BLOC1S5: variants seen among roughly 807,000 people sequenced by gnomAD.
BLOC1S5 encodes biogenesis of lysosomal organelles complex 1 subunit 5.
In BLOC1S5, 27 loss-of-function variants were observed where a neutral mutation model predicts 24.3. That is an observed-to-expected ratio of 1.11 (90% confidence interval 0.82 to 1.53). The LOEUF (loss-of-function observed/expected upper bound fraction) is 1.53, where lower values mean the gene tolerates loss of function less well. Among genes scored for constraint, BLOC1S5 ranks in the 40% most tolerant of loss-of-function variants. The pLI, the probability that BLOC1S5 is intolerant of heterozygous loss-of-function variation, is 0.00. For missense variants in BLOC1S5, 239 were observed against 229.4 expected, an observed-to-expected ratio of 1.04 and a Z score of -0.27; for synonymous variants, 84 against 74.5, an observed-to-expected ratio of 1.13 and a Z score of -0.66.
intron 1 of BLOC1S5, among the ~76,000 whole-genome samples, chr6:8,063,038 AAAT>A (rs976078730): frequency 6.6e-6 from 1 of 152,136 alleles, no homozygotes; most frequent in African/African-American, 2.4e-5. Context: ...TAAATATAAA[AAAT>A]AATACGTATT....
chr6:8,026,959 T>C (rs543474690), intron 3 of BLOC1S5, among the ~76,000 whole-genome samples: 106 of 152,338 alleles, frequency 7.0e-4, no homozygotes, highest in East Asian at 7.7e-4. Context: ...ATGATCACTA[T>C]TCCATTTTAC....
chr6:8,040,917 A>G (rs1273595604), intron 3 of BLOC1S5, among the ~76,000 whole-genome samples: 1 of 152,086 alleles, frequency 6.6e-6, no homozygotes. Flanking sequence ...CACATACTAA[A>G]CAGATTGTCT....
chr6:8,056,055 C>T (rs1764292700), intron 2 of BLOC1S5, among the ~76,000 whole-genome samples: 1 of 152,196 alleles, frequency 6.6e-6, no homozygotes. Context: ...CTCTTTCTCT[C>T]TTAACTTTTC....
chr6:8,022,579 C>CTT lies in BLOC1S5; in HGVS notation c.384+3786_384+3787dup, dbSNP rs756972606. Among the ~76,000 whole-genome samples the CTT allele has an allele frequency of 1.4e-3, 102 of 74,292 alleles. 3 individuals carry two copies. The highest frequency in any genetic ancestry group is 3.2e-3 in the South Asian group (8 of 2,520). 48.7% of individuals were successfully genotyped at this position (74,292 alleles called of 152,430 possible). On this transcript the variant is annotated intron_variant, in intron 4 of 4. Transcript: ENST00000397457. ...TATTTTCAAACTCTATTTTTTTTTT[C>CTT]TTTTTTTTTTTTCTTTTTTTTTTGA...
chr6:8,033,899 C>G (rs1183629410), intron 3 of BLOC1S5, among the ~76,000 whole-genome samples: 3 of 152,184 alleles, frequency 2.0e-5, no homozygotes, highest in African/African-American at 7.2e-5. Flanking sequence ...CACTGGTCAT[C>G]AAAGAAATGC....
At chr6:8,046,133 T>C (rs1763889199) in intron 2 of BLOC1S5, among the ~76,000 whole-genome samples, 1 of 152,208 alleles carries the variant, frequency 6.6e-6, no homozygotes, top group South Asian at 2.1e-4. Context: ...GGCCAGTCTT[T>C]CCCATACTAT....
At chr6:8,055,717 G>A (rs899458251) in intron 2 of BLOC1S5, among the ~76,000 whole-genome samples, 4 of 152,070 alleles carry the variant, frequency 2.6e-5, no homozygotes, top group Non-Finnish European at 4.4e-5. Flanking sequence ...ATTGTGAAAG[G>A]GTGTTTTGGT....
chr6:8,050,128 G>A (rs746697227), intron 2 of BLOC1S5, among the ~76,000 whole-genome samples: 2 of 152,172 alleles, frequency 1.3e-5, no homozygotes, highest in African/African-American at 2.4e-5. Context: ...GTCTATTGGT[G>A]CCATATTTCC....
intron 4 of BLOC1S5, among the ~76,000 whole-genome samples, chr6:8,017,088 T>TC (rs1281480732): frequency 6.6e-6 from 1 of 151,866 alleles, no homozygotes; most frequent in Non-Finnish European, 1.5e-5. Context: ...TTTAGTTTTC[T>TC]CCCCCCTTCC....
At chr6:8,039,900 G>A (rs989911725) in intron 3 of BLOC1S5, among the ~76,000 whole-genome samples, 1 of 152,170 alleles carries the variant, frequency 6.6e-6, no homozygotes, top group African/African-American at 2.4e-5. Flanking sequence ...GATATTGAAA[G>A]GCGTGATTCT....
rs994722216 is a variant in BLOC1S5, at chr6:8,014,256, A to G, written c.*1393T>C. ...TTGCTTGGTTTATGGCAAATAAAAAATCAACTTAGTTCTTCAGTTAGATTT... is the reference window on the plus strand; with the variant it reads ...TTGCTTGGTTTATGGCAAATAAAAAGTCAACTTAGTTCTTCAGTTAGATTT... On this transcript the variant is annotated 3_prime_UTR_variant, in exon 5 of 5. Coordinates refer to ENST00000397457, the MANE Select transcript of BLOC1S5 (RefSeq NM_201280.3). The G allele has an allele frequency of 3.3e-5, 5 of 152,152 alleles. No homozygotes were observed. Among genetic ancestry groups the G allele is most frequent in the African/African-American group, 1.2e-4 (5 of 41,436 alleles). The allele number at this position is 152,152 out of a possible 1,614,324, so 9.4% of individuals were successfully genotyped here. A position where few individuals can be genotyped will look rare whatever the true frequency, so the allele number is the denominator to read the frequency against.
At chr6:8,048,809 T>TC (rs1265424480) in intron 2 of BLOC1S5, among the ~76,000 whole-genome samples, 5 of 151,238 alleles carry the variant, frequency 3.3e-5, no homozygotes, top group African/African-American at 1.2e-4. Context: ...GGTCAGGAGT[T>TC]CAAGACCAAC....
rs545767577 is a variant in BLOC1S5, at chr6:8,055,621, C to T, written c.195+6913G>A. Among the ~76,000 whole-genome samples, 81 of 152,258 alleles carry T rather than the reference C, an allele frequency of 5.3e-4. 1 individual carries two copies. The highest frequency in any genetic ancestry group is 1.1e-3 in the Non-Finnish European group (76 of 68,010). The stretch of plus-strand genomic sequence containing the variant: ...TAGAAGGGAGGGGTGGTGAGAATAG[C>T]CTTTTTAACTTTAGAGTTGTATAAC... On this transcript the variant is annotated intron_variant, in intron 2 of 4. Transcript: ENST00000397457.
At chr6:8,043,737 A>C (rs1452295558) in intron 2 of BLOC1S5, among the ~76,000 whole-genome samples, 1 of 152,202 alleles carries the variant, frequency 6.6e-6, no homozygotes, top group East Asian at 1.9e-4. Flanking sequence ...ATGGTAATGT[A>C]AGAAATAAAA....
At chr6:8,048,363 T>C (rs904864886) in intron 2 of BLOC1S5, among the ~76,000 whole-genome samples, 6 of 152,242 alleles carry the variant, frequency 3.9e-5, no homozygotes, top group African/African-American at 1.4e-4. Context: ...GACTGAGCAC[T>C]AAGGCTGCTC....
intron 4 of BLOC1S5, among the ~76,000 whole-genome samples, chr6:8,021,303 G>T (rs910077876): frequency 2.0e-5 from 3 of 152,058 alleles, no homozygotes; most frequent in African/African-American, 4.8e-5. Flanking sequence ...TTTGCAATAT[G>T]AACGAGTTCT....
chr6:8,019,475 G>C (rs1190651960), intron 4 of BLOC1S5, among the ~76,000 whole-genome samples: 1 of 151,876 alleles, frequency 6.6e-6, no homozygotes, highest in Non-Finnish European at 1.5e-5. Context: ...CACCACACTG[G>C]CCAGGCTGGT....
At chr6:8,051,184 C>CAAAAA (rs35217854) in intron 2 of BLOC1S5, among the ~76,000 whole-genome samples, 2 of 140,010 alleles carry the variant, frequency 1.4e-5, no homozygotes. Context: ...GATTCCATCT[C>CAAAAA]AAAAAAAAAA....
At chr6:8,063,109 A>T (rs1342779626) in intron 1 of BLOC1S5, among the ~76,000 whole-genome samples, 1 of 152,144 alleles carries the variant, frequency 6.6e-6, no homozygotes, top group Non-Finnish European at 1.5e-5. Flanking sequence ...TTTACATAAA[A>T]CTTTAAAATA....
Sources: allele counts gnomAD v4.1 joint callset (sites outside exome capture counted in the v4.1 genomes callset), GRCh38; gene constraint gnomAD v4.1.1; transcripts MANE v1.5; gene names NCBI Gene and HGNC (gene_info 2026-07-23, HGNC 2026-07-21).